PRPSAP2: variants seen among roughly 807,000 people sequenced by gnomAD.
The protein encoded by PRPSAP2 is phosphoribosyl pyrophosphate synthetase associated protein 2, also known as phosphoribosyl pyrophosphate synthase-associated protein 2.
In PRPSAP2, 24 loss-of-function variants were observed where a neutral mutation model predicts 40.6. That is an observed-to-expected ratio of 0.59 (90% CI 0.43 to 0.83). The LOEUF (loss-of-function observed/expected upper bound fraction) is 0.83. PRPSAP2 is among the 40% of genes least tolerant of loss of function. The pLI, the probability that PRPSAP2 is intolerant of heterozygous loss-of-function variation, is 0.00. For missense variants in PRPSAP2, 292 were observed against 465.6 expected (o/e 0.63, Z 3.43); for synonymous variants, 149 against 164.7 (o/e 0.90, Z 0.73).
chr17:18,925,389 T>C (rs570794456), intron 10 of PRPSAP2, among the ~76,000 whole-genome samples: 1 of 152,372 alleles, frequency 6.6e-6, no homozygotes, highest in South Asian at 2.1e-4. Context: ...TAGTCAGCCA[T>C]GAGGGCTTGT....
chr17:18,862,482 AC>A (rs2037100158), intron 1 of PRPSAP2, among the ~76,000 whole-genome samples: 1 of 151,644 alleles, frequency 6.6e-6, no homozygotes, highest in African/African-American at 2.4e-5. Context: ...CATGGCTGTT[AC>A]TGTACTTATA....
chr17:18,903,445 G>A (rs2040404245), intron 8 of PRPSAP2, among the ~76,000 whole-genome samples: 1 of 146,158 alleles, frequency 6.8e-6, no homozygotes, highest in African/African-American at 2.7e-5. Flanking sequence ...TTAAGGTATT[G>A]TGAGTGGGCT....
chr17:18,923,838 G>T, intron 9 of PRPSAP2, 76 bp from the exon 10 acceptor site: 2 of 1,286,880 alleles, frequency 1.6e-6, no homozygotes, highest in East Asian at 5.1e-5. Context: ...TTTTTATCTT[G>T]AGATATTAAC....
chr17:18,879,868 G>GA (rs72535839), intron 6 of PRPSAP2, among the ~76,000 whole-genome samples: 1 of 110 alleles, frequency 9.1e-3, no homozygotes, highest in East Asian at 0.25. Context: ...GGGAGAACCA[G>GA]GGGGCGATCA....
At chr17:18,882,099 A>G (rs865869924) in intron 6 of PRPSAP2, among the ~76,000 whole-genome samples, 1 of 151,490 alleles carries the variant, frequency 6.6e-6, no homozygotes, top group Non-Finnish European at 1.5e-5. Flanking sequence ...TCGCCCTCCC[A>G]AAGTGCTGGG....
intron 8 of PRPSAP2, among the ~76,000 whole-genome samples, chr17:18,909,487 G>A (rs1377773986): frequency 1.3e-4 from 19 of 151,634 alleles, no homozygotes; most frequent in Admixed American, 1.2e-3. Context: ...CTCATGATCC[G>A]CCCACCTTGG....
chr17:18,878,020 A>G, intron 6 of PRPSAP2, 150 bp downstream of exon 6: 1 of 823,682 alleles, frequency 1.2e-6, no homozygotes, highest in Non-Finnish European at 1.8e-6. Context: ...TCCTACAGTC[A>G]AGCAGTCCAC....
At position 18,911,355 on chromosome 17, in the gene PRPSAP2, C is replaced by T. The variant is rs2040949318; in HGVS notation, c.733+104C>T. On this transcript the variant is annotated intron_variant, in intron 9 of 11. Coordinates refer to ENST00000268835, the MANE Select transcript of PRPSAP2 (RefSeq NM_002767.4). This position sits in a 1 kb window ranked among gnomAD's most constrained non-coding sequence, Gnocchi z 4.5. ...TCATTCTTCGTTTTTTTTTAGTTGGCAAAAACTCATTAACACCTTTCTTGG... is the reference window on the plus strand; with the variant it reads ...TCATTCTTCGTTTTTTTTTAGTTGGTAAAAACTCATTAACACCTTTCTTGG... The T allele has an allele frequency of 2.3e-6, 3 of 1,314,316 alleles. No individual in the cohort carries two copies. The highest frequency in any genetic ancestry group is 3.1e-6 in the Non-Finnish European group (3 of 982,570). 81.4% of individuals were successfully genotyped at this position (1,314,316 alleles called of 1,614,324 possible).
chr17:18,904,835 A>G (rs1409474902), intron 8 of PRPSAP2: 3 of 152,174 alleles, frequency 2.0e-5, no homozygotes, highest in African/African-American at 7.2e-5. Context: ...AAATTAACTC[A>G]TTATCGTACA....
At chr17:18,918,702 A>G (rs2041508415) in intron 9 of PRPSAP2, among the ~76,000 whole-genome samples, 1 of 152,152 alleles carries the variant, frequency 6.6e-6, no homozygotes, top group Non-Finnish European at 1.5e-5. Context: ...ACATGGGAGG[A>G]GAGCTTGATC....
intron 9 of PRPSAP2, among the ~76,000 whole-genome samples, chr17:18,917,075 T>C (rs949188144): frequency 2.0e-5 from 3 of 152,042 alleles, no homozygotes; most frequent in Non-Finnish European, 4.4e-5. Flanking sequence ...CATGAATTTG[T>C]TTTTGTGTTT....
intron 8 of PRPSAP2, among the ~76,000 whole-genome samples, chr17:18,910,646 A>G (rs1237463356): frequency 6.6e-6 from 1 of 152,190 alleles, no homozygotes; most frequent in Non-Finnish European, 1.5e-5. Flanking sequence ...TCATGAAATT[A>G]TATACTTTAG....
chr17:18,929,027 A>G, intron 11 of PRPSAP2, 70 bp downstream of exon 11: 2 of 1,554,782 alleles, frequency 1.3e-6, no homozygotes, highest in Middle Eastern at 2.1e-4. Context: ...TTAGTTACAG[A>G]GAGTCAGGAC....
intron 9 of PRPSAP2, among the ~76,000 whole-genome samples, chr17:18,914,179 CAAA>C (rs541753300): frequency 0.018 from 1,784 of 101,510 alleles, 17 homozygotes; most frequent in Admixed American, 0.031. Flanking sequence ...GACACCATCT[CAAA>C]AAAAAAAAGA....
intron 8 of PRPSAP2, among the ~76,000 whole-genome samples, chr17:18,896,930 G>A (rs1344651123): frequency 6.6e-6 from 1 of 152,038 alleles, no homozygotes; most frequent in Non-Finnish European, 1.5e-5. Flanking sequence ...GGGAATAATG[G>A]AATAATGGGA....
At chr17:18,875,895 G>T (rs919251071) in intron 5 of PRPSAP2, among the ~76,000 whole-genome samples, 6 of 151,372 alleles carry the variant, frequency 4.0e-5, no homozygotes, top group Non-Finnish European at 8.8e-5. Flanking sequence ...CACTTTGGGA[G>T]GCCCCAGGCG....
At chr17:18,914,282 G>C (rs570044277) in intron 9 of PRPSAP2, among the ~76,000 whole-genome samples, 1 of 74,400 alleles carries the variant, frequency 1.3e-5, no homozygotes, top group Non-Finnish European at 2.3e-5. Context: ...TTTTGAGACA[G>C]AGTCTTGATC....
At chr17:18,921,394 A>G (rs774883185) in intron 9 of PRPSAP2, among the ~76,000 whole-genome samples, 6 of 152,206 alleles carry the variant, frequency 3.9e-5, no homozygotes, top group Non-Finnish European at 8.8e-5. Flanking sequence ...CATTGAGGTC[A>G]AGTGTCCTGG....
At chr17:18,870,958 A>G (rs7212905) in intron 4 of PRPSAP2, among the ~76,000 whole-genome samples, 79,961 of 151,580 alleles carry the variant, frequency 0.53, 21,318 homozygotes, top group Middle Eastern at 0.59. Context: ...GCCCAACAAC[A>G]ATTCTTTAAT....
Sources: gnomAD v4.1 joint callset for allele counts (sites outside exome capture counted in the v4.1 genomes callset) on GRCh38, gnomAD v4.1.1 for gene constraint, Gnocchi (gnomAD v3.1) non-coding constraint, MANE v1.5 for transcripts, NCBI Gene and HGNC (gene_info 2026-07-23, HGNC 2026-07-21) for gene names.